The following LRRC51 variants were observed in gnomAD, a reference collection of about 807,000 sequenced individuals.
LRRC51 encodes leucine-rich repeat-containing protein 51.
In LRRC51, 8 loss-of-function variants were observed where a neutral mutation model predicts 17.8. The ratio of observed to expected loss-of-function variants is 0.45; its 90% CI spans 0.26 to 0.81. The LOEUF (loss-of-function observed/expected upper bound fraction) is 0.81. Ranked by LOEUF, LRRC51 falls within the 30% of genes least tolerant of loss-of-function variation. The pLI, the probability that LRRC51 is intolerant of heterozygous loss-of-function variation, is 0.17. For synonymous variants in LRRC51, 92 were observed against 96.0 expected (o/e 0.96, Z 0.24); for missense variants, 233 against 239.3 (o/e 0.97, Z 0.17).
chr11:72,081,673 C>T lies in LRRC51; in HGVS notation c.-140+788C>T, dbSNP rs968652141. 9.6e-4 allele frequency among the ~76,000 whole-genome samples: 146 copies of T among 152,064 alleles called. 7 individuals are homozygous for T. Among genetic ancestry groups the T allele is most frequent in the African/African-American group, 7.2e-5 (3 of 41,406 alleles). Reference sequence around the variant, plus strand: ...TAGAGATGTAGGAAACTTCCTGGGGCGTGAAGTGCCTCATTCCTTCTTCTT... The same window carrying T: ...TAGAGATGTAGGAAACTTCCTGGGGTGTGAAGTGCCTCATTCCTTCTTCTT... On this transcript the variant is annotated intron_variant, in intron 1 of 5. Coordinates refer to ENST00000289488, the MANE Select transcript of LRRC51 (RefSeq NM_145309.6).
intron 4 of LRRC51, among the ~76,000 whole-genome samples, chr11:72,094,100 C>T (rs1945020115): frequency 6.6e-6 from 1 of 152,080 alleles, no homozygotes; most frequent in African/African-American, 2.4e-5. Context: ...TCCTGGCCAA[C>T]ATGGTGAAAC....
chr11:72,094,909 G>C (rs1355978821), intron 4 of LRRC51, 39 bp from the exon 5 acceptor site: 5 of 1,614,178 alleles, frequency 3.1e-6, no homozygotes, highest in Non-Finnish European at 4.2e-6. Flanking sequence ...TCAGGGTCCT[G>C]TCCTGTCTAG....
chr11:72,087,061 A>T (rs1452243471), intron 1 of LRRC51, among the ~76,000 whole-genome samples: 4 of 152,234 alleles, frequency 2.6e-5, no homozygotes, highest in Non-Finnish European at 5.9e-5. Flanking sequence ...ATCCATGCCC[A>T]TGGGACCAGT....
chr11:72,093,379 G>A, intron 3 of LRRC51, 117 bp from the exon 4 acceptor site: 1 of 965,180 alleles, frequency 1.0e-6, no homozygotes, highest in Non-Finnish European at 1.6e-6. Flanking sequence ...CAGGGCTATG[G>A]CCCTTCCAGA....
At chr11:72,089,238 ATC>A (rs1944714913) in intron 3 of LRRC51, 73 bp downstream of exon 3, 2 of 1,606,022 alleles carry the variant, frequency 1.2e-6, no homozygotes, top group Non-Finnish European at 1.7e-6. Context: ...AGAAACCATA[ATC>A]TACTTAAAAG....
chr11:72,089,577 C>T, intron 3 of LRRC51: 3 of 1,196,684 alleles, frequency 2.5e-6, no homozygotes, highest in South Asian at 3.2e-5. Flanking sequence ...AAAACACAGG[C>T]TCCTGTGGAG....
At position 72,095,884 on chromosome 11, in the gene LRRC51, C is replaced by T. The variant is rs1327479360; in HGVS notation, c.*364C>T. The T allele has an allele frequency of 2.8e-6, 1 of 354,192 alleles. No homozygotes were observed. Among genetic ancestry groups the T allele is most frequent in the Non-Finnish European group, 5.5e-6 (1 of 182,666 alleles). The allele number at this position is 354,192 out of a possible 1,614,324, so 21.9% of individuals were successfully genotyped here. ...GTTTTGAGACGGTTTCACTCGTCAC[C>T]CCAGCTGGAGTGCAGTGGTGCGATC... On this transcript the variant is annotated 3_prime_UTR_variant, in exon 6 of 6. Coordinates refer to ENST00000289488, the MANE Select transcript of LRRC51 (RefSeq NM_145309.6).
At position 72,096,791 on chromosome 11, in the gene LRRC51, G is replaced by C; in HGVS notation, c.*1271G>C. 7.1e-7 allele frequency: 1 copy of C among 1,411,656 alleles called. No homozygotes were observed. Among genetic ancestry groups the C allele is most frequent in the Non-Finnish European group, 9.4e-7 (1 of 1,065,852 alleles). The allele number at this position is 1,411,656 out of a possible 1,614,324, so 87.4% of individuals were successfully genotyped here. On this transcript the variant is annotated 3_prime_UTR_variant, in exon 6 of 6. Transcript: ENST00000289488. ...GCCAAGAAGATGGCCTATGATCTCT[G>C]AAACCAGCCCCCACTTCAATCAGAT...
At chr11:72,090,524 T>C (rs57920810) in intron 3 of LRRC51, among the ~76,000 whole-genome samples, 1,694 of 152,282 alleles carry the variant, frequency 0.011, 20 homozygotes, top group African/African-American at 0.039. Context: ...ATGCCAGGTA[T>C]TGTGCTCCTT....
At chr11:72,092,432 G>A (rs1944913990) in intron 3 of LRRC51, among the ~76,000 whole-genome samples, 1 of 152,166 alleles carries the variant, frequency 6.6e-6, no homozygotes, top group Non-Finnish European at 1.5e-5. Context: ...GCCCTCTCAT[G>A]TCTTGCTTGG....
intron 1 of LRRC51, among the ~76,000 whole-genome samples, chr11:72,081,090 G>A (rs1418011496): frequency 6.6e-6 from 1 of 152,168 alleles, no homozygotes; most frequent in Non-Finnish European, 1.5e-5. Flanking sequence ...AGGGATAGGC[G>A]TTGAGATATA....
At chr11:72,089,675 C>A in intron 3 of LRRC51, 1 of 977,772 alleles carries the variant, frequency 1.0e-6, no homozygotes, top group Non-Finnish European at 1.3e-6. Flanking sequence ...TATCTACAAA[C>A]TGGCATATTT....
At chr11:72,089,552 C>T in intron 3 of LRRC51, 1 of 1,210,256 alleles carries the variant, frequency 8.3e-7, no homozygotes, top group Non-Finnish European at 1.0e-6. Flanking sequence ...CCTGTTTTTA[C>T]CTGAAGAGAG....
chr11:72,089,123 C>G lies in LRRC51; in HGVS notation c.40C>G (p.Pro14Ala), dbSNP rs750322250. 9 of 1,614,112 alleles carry G rather than the reference C, an allele frequency of 5.6e-6. No individual in the cohort carries two copies. Among genetic ancestry groups the G allele is most frequent in the Non-Finnish European group, 7.6e-6 (9 of 1,180,006 alleles). ...CTATATGAACACTTCGGTACAGGAG[C>G]CCCCTCTTGACTACTCCTTCAGAAG... ...RDYMNTSVQE[P>A]PLDYSFRSIH... Residue 14 changes from proline to alanine, a missense_variant, in exon 3 of 6, where the codon CCC (proline) becomes GCC (alanine). Physicochemically the swap from Pro to Ala is conservative, Grantham distance 27. Transcript: ENST00000289488.
intron 1 of LRRC51, among the ~76,000 whole-genome samples, chr11:72,081,345 C>T (rs1445150849): frequency 6.6e-6 from 1 of 152,156 alleles, no homozygotes; most frequent in African/African-American, 2.4e-5. Flanking sequence ...TCGCTTGAGC[C>T]CGGAGATTGA....
chr11:72,096,711 A>C lies in LRRC51; in HGVS notation c.*1191A>C, dbSNP rs761268066. 1.9e-6 allele frequency: 3 copies of C among 1,548,828 alleles called. No individual in the cohort carries two copies. In the African/African-American group the frequency reaches 4.1e-5, roughly 21 times the overall value. ...GGTTAAAGTAGATCAGTAATTTCCA[A>C]ACTCTTCACAGAGTACCAGGGTCTG... On this transcript the variant is annotated 3_prime_UTR_variant, in exon 6 of 6. Transcript: ENST00000289488.
rs1278166329 is a variant in LRRC51 at position 72,093,363 on chromosome 11, C to G, written c.83-133C>G. 9 of 838,318 alleles carry G rather than the reference C, an allele frequency of 1.1e-5. No individual in the cohort carries two copies. The East Asian group carries it at 2.4e-4, about 22-fold the overall frequency. 51.9% of individuals were successfully genotyped at this position (838,318 alleles called of 1,614,324 possible). A position where few individuals can be genotyped will look rare whatever the true frequency, so the allele number is the denominator to read the frequency against. ...CTGTGGGACAGGGTTGCACTAGACT[C>G]AGGCACAGGGCTATGGCCCTTCCAG... is the stretch of plus-strand genomic sequence containing the variant. On this transcript the variant is annotated intron_variant, in intron 3 of 5. Coordinates refer to ENST00000289488, the MANE Select transcript of LRRC51 (RefSeq NM_145309.6).
chr11:72,084,682 C>T (rs1944422105), intron 1 of LRRC51, among the ~76,000 whole-genome samples: 2 of 151,700 alleles, frequency 1.3e-5, no homozygotes, highest in African/African-American at 2.4e-5. Flanking sequence ...ACAAAAAATA[C>T]AAAAATTAGC....
intron 4 of LRRC51, chr11:72,094,545 T>A: frequency 1.6e-6 from 1 of 607,108 alleles, no homozygotes; most frequent in Non-Finnish European, 2.9e-6. Context: ...ACTATTCCCC[T>A]GGTGTGGTGA....
Sources: gnomAD v4.1 joint callset for allele counts (sites outside exome capture counted in the v4.1 genomes callset) on GRCh38, gnomAD v4.1.1 for gene constraint, MANE v1.5 for transcripts, NCBI Gene and HGNC (gene_info 2026-07-23, HGNC 2026-07-21) for gene names.